COL4A4: variants seen among roughly 807,000 people sequenced by gnomAD.
COL4A4 encodes the protein collagen type IV alpha 4 chain.
Under a neutral mutation model 192.9 loss-of-function variants are expected in COL4A4, and 105 were observed. The ratio of observed to expected loss-of-function variants is 0.54; its 90% confidence interval spans 0.46 to 0.64. The LOEUF (loss-of-function observed/expected upper bound fraction) is 0.64, where lower values mean the gene tolerates loss of function less well. COL4A4 is among the 30% of genes least tolerant of loss of function. The pLI, the probability that COL4A4 is intolerant of heterozygous loss-of-function variation, is 0.00. For missense variants in COL4A4, 1,967 were observed against 2,169.3 expected (o/e 0.91, Z 1.85); for synonymous variants, 762 against 769.9 (o/e 0.99, Z 0.17).
chr2:227,070,312 G>A lies in COL4A4; in HGVS notation c.1987+7582C>T, dbSNP rs559946499. Among the ~76,000 whole-genome samples, 572 of 152,074 alleles carry A rather than the reference G, an allele frequency of 3.8e-3. 1 individual carries two copies. The highest frequency in any genetic ancestry group is 0.013 in the African/African-American group (524 of 41,442). On this transcript the variant is annotated intron_variant, in intron 25 of 47. Coordinates refer to ENST00000396625, the MANE Select transcript of COL4A4 (RefSeq NM_000092.5). ...CAACCATTGTGGAAGTCAGTGTGGCGATTCCTCAGGGATCTAGAACTAGAA... is the reference window on the plus strand; with the variant it reads ...CAACCATTGTGGAAGTCAGTGTGGCAATTCCTCAGGGATCTAGAACTAGAA...
chr2:227,142,134 A>T (rs1467689575), intron 3 of COL4A4, among the ~76,000 whole-genome samples: 1 of 150,336 alleles, frequency 6.7e-6, no homozygotes, highest in Non-Finnish European at 1.5e-5. Flanking sequence ...ATAGTCACAT[A>T]TCAAGGTTTG....
the COL4A4 span, among the ~76,000 whole-genome samples, chr2:226,975,273 C>CA: frequency 6.6e-6 from 1 of 152,084 alleles, no homozygotes; most frequent in African/African-American, 2.4e-5. Flanking sequence ...GTACTCATTT[C>CA]ACTACACACA....
chr2:227,102,919 G>C, intron 14 of COL4A4, 71 bp from the exon 15 acceptor site: 1 of 1,134,492 alleles, frequency 8.8e-7, no homozygotes, highest in Non-Finnish European at 1.3e-6. Flanking sequence ...CAATATTTCA[G>C]CAATAGGGAA....
At chr2:227,034,161 C>T (rs1301561985) in intron 37 of COL4A4, among the ~76,000 whole-genome samples, 1 of 152,206 alleles carries the variant, frequency 6.6e-6, no homozygotes, top group East Asian at 1.9e-4. Flanking sequence ...TGTGCCTTCT[C>T]TCAGAACCTT....
At chr2:227,023,994 G>T (rs955657326) in intron 43 of COL4A4, among the ~76,000 whole-genome samples, 1 of 134,352 alleles carries the variant, frequency 7.4e-6, no homozygotes, top group Admixed American at 7.6e-5. Flanking sequence ...GACAGAGCAA[G>T]ACTCTGTCTC....
chr2:227,066,857 A>G (rs2058372551), intron 25 of COL4A4, among the ~76,000 whole-genome samples: 1 of 151,796 alleles, frequency 6.6e-6, no homozygotes, highest in Non-Finnish European at 1.5e-5. Context: ...ATCAAATTCA[A>G]ACATAACAAT....
intron 44 of COL4A4, among the ~76,000 whole-genome samples, chr2:227,012,619 A>G (rs1377717812): frequency 1.6e-5 from 2 of 127,066 alleles, no homozygotes; most frequent in Non-Finnish European, 3.2e-5. Flanking sequence ...CATAGTCTTC[A>G]TATATTTGAC....
At chr2:227,028,466 A>G (rs1472525972) in intron 41 of COL4A4, among the ~76,000 whole-genome samples, 2 of 151,810 alleles carry the variant, frequency 1.3e-5, no homozygotes, top group East Asian at 1.9e-4. Flanking sequence ...TGTCTTCCTC[A>G]TTTTTTAGAG....
At chr2:227,111,829 AT>A (rs1171308198) in intron 8 of COL4A4, 116 bp from the exon 9 acceptor site, 7 of 1,128,342 alleles carry the variant, frequency 6.2e-6, no homozygotes, top group Non-Finnish European at 7.8e-6. Flanking sequence ...AGTTTGTTCA[AT>A]TTTTTTGGTG....
intron 22 of COL4A4, among the ~76,000 whole-genome samples, chr2:227,084,063 C>A (rs184838593): frequency 2.0e-5 from 3 of 152,168 alleles, no homozygotes; most frequent in Admixed American, 2.0e-4. Flanking sequence ...TGTCTGTGAA[C>A]CATCAAAAAG....
At position 227,051,113 on chromosome 2, in the gene COL4A4, C is replaced by T. The variant is rs769138971; in HGVS notation, c.3014G>A (p.Gly1005Glu). The change falls in exon 33 of 48, where the codon GGA (glycine) becomes GAA (glutamate). Residue 1005 changes from glycine to glutamate, a missense_variant. Coordinates refer to ENST00000396625, the MANE Select transcript of COL4A4 (RefSeq NM_000092.5). ...PGMQGRRGEP[G>E]RYGPPGFHRG... ...GTGAAATCCAGGTGGTCCGTATCTT[C>T]CCGGCTCTCCTCTTCTCCCTTGCAT... 27 of 1,614,020 alleles carry T rather than the reference C, an allele frequency of 1.7e-5. No homozygotes were observed. The Admixed American group carries it at 4.0e-4, about 24-fold the overall frequency.
chr2:227,101,985 C>T (rs1348288555), intron 15 of COL4A4, 76 bp from the exon 16 acceptor site: 1 of 1,081,388 alleles, frequency 9.2e-7, no homozygotes, highest in African/African-American at 1.6e-5. Flanking sequence ...TCATTTTTCA[C>T]CTTATCAAAT....
chr2:227,045,682 T>C (rs1972342544), intron 35 of COL4A4, among the ~76,000 whole-genome samples: 1 of 149,120 alleles, frequency 6.7e-6, no homozygotes, highest in Non-Finnish European at 1.5e-5. Flanking sequence ...GGTGGGAGAA[T>C]TGCTTGAACC....
At chr2:227,041,720 GAGGAAGGAAGGAAGGAAGGAAGGA>G (rs71036153) in intron 37 of COL4A4, among the ~76,000 whole-genome samples, 854 of 39,236 alleles carry the variant, frequency 0.022, 38 homozygotes, top group African/African-American at 0.072. Context: ...AGGAAGGGAG[GAGGAAGGAAGGAAGGAAGGAAGGA>G]AGGAAGGAAG....
At chr2:227,099,771 T>G (rs1407096870) in intron 17 of COL4A4, 82 bp from the exon 18 acceptor site, 55 of 1,175,252 alleles carry the variant, frequency 4.7e-5, no homozygotes, top group Non-Finnish European at 1.8e-5. Flanking sequence ...ATTAGAACGA[T>G]CATGTGCACA....
At position 227,034,170 on chromosome 2, in the gene COL4A4, TTC is replaced by T. The variant is rs150955098; in HGVS notation, c.3506-691_3506-690del. On this transcript the variant is annotated intron_variant, in intron 37 of 47. Transcript: ENST00000396625. ...GATGCCTGTGCCTTCTCTCAGAACCTTCTGTTTAGTTCTCCAAAGAGCCGTCC... is the reference window on the plus strand; with the variant it reads ...GATGCCTGTGCCTTCTCTCAGAACCTTGTTTAGTTCTCCAAAGAGCCGTCC... Among the ~76,000 whole-genome samples the T allele has an allele frequency of 6.8e-3, 1,037 of 152,368 alleles. 7 individuals are homozygous for T. Among genetic ancestry groups the T allele is most frequent in the African/African-American group, 0.024 (995 of 41,592 alleles).
chr2:227,003,946 T>C lies in COL4A4; in HGVS notation c.*3379A>G, dbSNP rs1183511487. ...TGTGGGTATACAAATATGTTGAATATTAAAATATTCTGAAATAGGAAATGG... is the reference window on the plus strand; with the variant it reads ...TGTGGGTATACAAATATGTTGAATACTAAAATATTCTGAAATAGGAAATGG... On this transcript the variant is annotated 3_prime_UTR_variant, in exon 48 of 48. Transcript: ENST00000396625. 1.3e-5 allele frequency: 2 copies of C among 152,240 alleles called. No homozygotes were observed. The highest frequency in any genetic ancestry group is 2.9e-5 in the Non-Finnish European group (2 of 68,054). The allele number at this position is 152,240 out of a possible 1,614,324, so 9.4% of individuals were successfully genotyped here.
chr2:227,140,091 C>A lies in COL4A4; in HGVS notation c.192+70G>T, dbSNP rs962143476. On this transcript the variant is annotated intron_variant, in intron 4 of 47. Coordinates refer to ENST00000396625, the MANE Select transcript of COL4A4 (RefSeq NM_000092.5). ...AAAATTTGCCAAGAATCTGGGATTA[C>A]TTTATATTAAATATTCACAAGTTCT... 15 of 1,387,938 alleles carry A rather than the reference C, an allele frequency of 1.1e-5. No homozygotes were observed. The African/African-American group carries it at 2.1e-4, about 20-fold the overall frequency. 86.0% of individuals were successfully genotyped at this position (1,387,938 alleles called of 1,614,324 possible).
At chr2:227,096,237 C>T (rs559695675) in intron 19 of COL4A4, among the ~76,000 whole-genome samples, 18 of 152,252 alleles carry the variant, frequency 1.2e-4, no homozygotes, top group African/African-American at 4.1e-4. Flanking sequence ...TAGTACAGAG[C>T]CCACCCAGGG....
Sources: allele counts gnomAD v4.1 joint callset (sites outside exome capture counted in the v4.1 genomes callset), GRCh38; gene constraint gnomAD v4.1.1; transcripts MANE v1.5; gene names NCBI Gene and HGNC (gene_info 2026-07-23, HGNC 2026-07-21).